GOLPH3: variants seen among roughly 807,000 people sequenced by gnomAD.
GOLPH3 encodes the protein coat protein GPP34.
A neutral mutation model predicts 28.5 loss-of-function variants in GOLPH3; 14 were observed. That is an observed-to-expected ratio of 0.49 (90% CI 0.32 to 0.77). The LOEUF is 0.77. GOLPH3 is among the 30% of genes least tolerant of loss of function. The pLI is 0.03. For missense variants in GOLPH3, 350 were observed against 393.7 expected, an observed-to-expected ratio of 0.89 and a Z score of 0.94; for synonymous variants, 158 against 159.2, an observed-to-expected ratio of 0.99 and a Z score of 0.06.
At position 32,174,009 on chromosome 5, in the gene GOLPH3, G is replaced by A; in HGVS notation, c.26C>T (p.Ser9Phe). 7.6e-7 allele frequency: 1 copy of A among 1,321,474 alleles called. No homozygotes were observed. The allele number at this position is 1,321,474 out of a possible 1,614,324, so 81.9% of individuals were successfully genotyped here. A position where few individuals can be genotyped will look rare whatever the true frequency, so the allele number is the denominator to read the frequency against. The change falls in exon 1 of 4, where the codon TCC (serine) becomes TTC (phenylalanine). Residue 9 changes from serine (S) to phenylalanine (F), a missense_variant. Ser to Phe is a radical substitution (Grantham distance 155). Transcript: ENST00000265070. MTSLTQRS[S>F]GLVQRRTEAS... ...CTCGGTGCGCCGCTGCACCAGGCCG[G>A]AGCTGCGCTGGGTCAGCGAGGTCAT...
intron 1 of GOLPH3, among the ~76,000 whole-genome samples, chr5:32,146,061 G>T (rs1056461042): frequency 6.6e-6 from 1 of 152,200 alleles, no homozygotes; most frequent in East Asian, 1.9e-4. Flanking sequence ...GGAGGCAGAG[G>T]CAAGCAGATT....
chr5:32,140,745 G>T (rs1746039858), intron 2 of GOLPH3, among the ~76,000 whole-genome samples: 1 of 145,386 alleles, frequency 6.9e-6, no homozygotes, highest in South Asian at 2.1e-4. Flanking sequence ...AGGTTGCAGT[G>T]AACCAAGATC....
rs1470956447 is a variant in GOLPH3, at chr5:32,126,106, G to A, written c.*106C>T. On this transcript the variant is annotated 3_prime_UTR_variant, in exon 4 of 4. Transcript: ENST00000265070. ...CCACCCACCATTTTGTAAAACAGAAGCCAATTATAGTGTGGGAAAGTACAA... is the reference window on the plus strand; with the variant it reads ...CCACCCACCATTTTGTAAAACAGAAACCAATTATAGTGTGGGAAAGTACAA... 1.7e-6 allele frequency: 2 copies of A among 1,170,388 alleles called. No individual in the cohort carries two copies. Among genetic ancestry groups the A allele is most frequent in the African/African-American group, 1.5e-5 (1 of 64,782 alleles). The allele number at this position is 1,170,388 out of a possible 1,614,324, so 72.5% of individuals were successfully genotyped here.
rs963869567 is a variant in GOLPH3 at position 32,174,261 on chromosome 5, G to T, written c.-227C>A. On this transcript the variant is annotated 5_prime_UTR_variant, in exon 1 of 4. Transcript: ENST00000265070. ...GAGGAGCGCCTTCCTGCCTGTGGCCGCAGTCCCCGAAACACCCCGAGCTCC... is the reference window on the plus strand; with the variant it reads ...GAGGAGCGCCTTCCTGCCTGTGGCCTCAGTCCCCGAAACACCCCGAGCTCC... The T allele has an allele frequency of 2.5e-5, 9 of 358,826 alleles. No individual in the cohort carries two copies. Among genetic ancestry groups the T allele is most frequent in the Non-Finnish European group, 4.5e-5 (9 of 201,356 alleles). The allele number at this position is 358,826 out of a possible 1,614,324, so 22.2% of individuals were successfully genotyped here.
chr5:32,170,924 T>A (rs1439107557), intron 1 of GOLPH3, among the ~76,000 whole-genome samples: 2 of 151,556 alleles, frequency 1.3e-5, no homozygotes, highest in South Asian at 2.1e-4. Context: ...AATTTCCCCA[T>A]GTGGTTGCTG....
intron 3 of GOLPH3, among the ~76,000 whole-genome samples, chr5:32,132,602 C>T (rs530213548): frequency 6.6e-6 from 1 of 152,158 alleles, no homozygotes. Flanking sequence ...AGTCTGAGAG[C>T]ACATTTTAAA....
chr5:32,126,647 G>T lies in GOLPH3; in HGVS notation c.473-11C>A, dbSNP rs143356417. On this transcript the variant is annotated splice_polypyrimidine_tract_variant and intron_variant, in intron 3 of 3. Transcript: ENST00000265070. The stretch of plus-strand genomic sequence containing the variant: ...GATTCCATGTCTCACCTAAACAAAA[G>T]ATTTCAGAAGTTAGAAATGATGAGT... 7 of 1,598,966 alleles carry T rather than the reference G, an allele frequency of 4.4e-6. No individual in the cohort carries two copies. In the African/African-American group the frequency reaches 8.1e-5, roughly 18 times the overall value.
At chr5:32,145,847 G>A (rs1384655864) in intron 1 of GOLPH3, among the ~76,000 whole-genome samples, 1 of 152,122 alleles carries the variant, frequency 6.6e-6, no homozygotes, top group Non-Finnish European at 1.5e-5. Flanking sequence ...TAGATGAATG[G>A]GAACGGACAG....
chr5:32,144,748 G>A (rs745740185), intron 1 of GOLPH3, among the ~76,000 whole-genome samples: 4 of 152,186 alleles, frequency 2.6e-5, no homozygotes, highest in Non-Finnish European at 5.9e-5. Context: ...CACAGTGGAA[G>A]AACGGCCAGA....
intron 1 of GOLPH3, among the ~76,000 whole-genome samples, chr5:32,147,010 G>T (rs1746190469): frequency 6.6e-6 from 1 of 152,104 alleles, no homozygotes; most frequent in African/African-American, 2.4e-5. Context: ...GCCACGGGTT[G>T]GACAAGCTTG....
At chr5:32,144,347 T>C (rs1746145412) in intron 1 of GOLPH3, among the ~76,000 whole-genome samples, 2 of 152,174 alleles carry the variant, frequency 1.3e-5, no homozygotes, top group South Asian at 2.1e-4. Context: ...TCCGAGCACT[T>C]TGGGAGGCTG....
At position 32,162,560 on chromosome 5, in the gene GOLPH3, G is replaced by A. The variant is rs141528381; in HGVS notation, c.225+11250C>T. Among the ~76,000 whole-genome samples the A allele has an allele frequency of 6.3e-3, 963 of 152,056 alleles. 17 individuals carry two copies. The highest frequency in any genetic ancestry group is 0.022 in the African/African-American group (924 of 41,470). ...ATGAGCATCTGAATTTGAGTAAAAC[G>A]TTCAGTAAGCCCAGCATATAAAGTG... On this transcript the variant is annotated intron_variant, in intron 1 of 3. Transcript: ENST00000265070.
rs543312100 is a variant in GOLPH3 at position 32,126,064 on chromosome 5, G to A, written c.*148C>T. The A allele has an allele frequency of 5.7e-5, 45 of 792,306 alleles. No homozygotes were observed. The highest frequency in any genetic ancestry group is 3.6e-4 in the African/African-American group (21 of 57,814). 49.1% of individuals were successfully genotyped at this position (792,306 alleles called of 1,614,324 possible). A position where few individuals can be genotyped will look rare whatever the true frequency, so the allele number is the denominator to read the frequency against. On this transcript the variant is annotated 3_prime_UTR_variant, in exon 4 of 4. Coordinates refer to ENST00000265070, the MANE Select transcript of GOLPH3 (RefSeq NM_022130.4). ...CTCGTACCAGCAGAATCCTGTACACGTACAAAAAAGAAAAAGCCACCCACC... is the reference window on the plus strand; with the variant it reads ...CTCGTACCAGCAGAATCCTGTACACATACAAAAAAGAAAAAGCCACCCACC...
intron 1 of GOLPH3, among the ~76,000 whole-genome samples, chr5:32,170,102 T>C (rs1746797176): frequency 6.6e-6 from 1 of 152,204 alleles, no homozygotes. Context: ...TCAAAGTAAT[T>C]TTTTAAATAT....
At chr5:32,158,171 ACACG>A (rs1746497520) in intron 1 of GOLPH3, among the ~76,000 whole-genome samples, 2 of 148,218 alleles carry the variant, frequency 1.3e-5, no homozygotes, top group Admixed American at 6.8e-5. Flanking sequence ...ACACACACAC[ACACG>A]GCAAAATCAG....
intron 3 of GOLPH3, among the ~76,000 whole-genome samples, chr5:32,131,115 G>C (rs1745816540): frequency 6.6e-6 from 1 of 152,192 alleles, no homozygotes; most frequent in Non-Finnish European, 1.5e-5. Context: ...CCTGGGAAGA[G>C]GGTAAACCCC....
intron 1 of GOLPH3, among the ~76,000 whole-genome samples, chr5:32,173,498 T>C (rs1212341459): frequency 6.6e-6 from 1 of 151,836 alleles, no homozygotes; most frequent in Non-Finnish European, 1.5e-5. Flanking sequence ...CTACACGGGT[T>C]AAAAACGCGG....
chr5:32,157,875 G>A (rs1746465352), intron 1 of GOLPH3, among the ~76,000 whole-genome samples: 2 of 151,862 alleles, frequency 1.3e-5, no homozygotes, highest in Non-Finnish European at 2.9e-5. Context: ...TACTTGGGAG[G>A]CTAAGGCAGA....
At position 32,168,749 on chromosome 5, in the gene GOLPH3, G is replaced by A. The variant is rs537384688; in HGVS notation, c.225+5061C>T. Among the ~76,000 whole-genome samples the A allele has an allele frequency of 3.9e-5, 6 of 152,278 alleles. No individual in the cohort carries two copies. The South Asian group carries it at 1.0e-3, about 26-fold the overall frequency. ...TCTCTCAAGATCCAAAGCCCTGAAA[G>A]AAAACATATGATTGGACAAGTCTGG... On this transcript the variant is annotated intron_variant, in intron 1 of 3. Transcript: ENST00000265070.
Sources: allele counts gnomAD v4.1 joint callset (sites outside exome capture counted in the v4.1 genomes callset), GRCh38; gene constraint gnomAD v4.1.1; transcripts MANE v1.5; gene names NCBI Gene and HGNC (gene_info 2026-07-23, HGNC 2026-07-21).